Variants in OPTC observed in about 807,000 individuals in gnomAD.
OPTC encodes the protein opticin.
OPTC carries 22 observed loss-of-function variants against 25.4 expected under a neutral mutation model. The ratio of observed to expected loss-of-function variants is 0.87; its 90% CI spans 0.62 to 1.24. The LOEUF (loss-of-function observed/expected upper bound fraction) is 1.24. Ranked by LOEUF, OPTC falls within the 50% of genes most tolerant of loss-of-function variation. The pLI is 0.00. For synonymous variants in OPTC, 169 were observed against 179.3 expected, an observed-to-expected ratio of 0.94 and a Z score of 0.46; for missense variants, 417 against 425.2, an observed-to-expected ratio of 0.98 and a Z score of 0.17.
At chr1:203,502,212 C>T (rs1179145608) in intron 5 of OPTC, among the ~76,000 whole-genome samples, 1 of 152,182 alleles carries the variant, frequency 6.6e-6, no homozygotes, top group African/African-American at 2.4e-5. Flanking sequence ...TCTTCCCAAA[C>T]GCTTCTCTGA....
intron 5 of OPTC, 104 bp from the exon 6 acceptor site, chr1:203,502,810 C>G: frequency 1.1e-6 from 1 of 889,396 alleles, no homozygotes. Flanking sequence ...TAAGTGAGCC[C>G]TGAGTGAACA....
Position 203,502,056 on chromosome 1 carries a change from A to G in OPTC, c.733-858A>G, listed in dbSNP as rs527875381. Reference sequence around the variant, plus strand: ...TTTTCTCATCTGCAAAATGAGGGTAATAATACCTGCTTGACACAGCTGCTG... The same window carrying G: ...TTTTCTCATCTGCAAAATGAGGGTAGTAATACCTGCTTGACACAGCTGCTG... On this transcript the variant is annotated intron_variant, in intron 5 of 7. Transcript: ENST00000367222. 3.3e-5 allele frequency among the ~76,000 whole-genome samples: 5 copies of G among 152,290 alleles called. No individual in the cohort carries two copies. In the South Asian group the frequency reaches 1.0e-3, roughly 32 times the overall value.
At chr1:203,498,626 A>G in intron 3 of OPTC, 55 bp from the exon 4 acceptor site, 2 of 1,608,142 alleles carry the variant, frequency 1.2e-6, no homozygotes, top group Non-Finnish European at 8.5e-7. Context: ...GGCGAGGGCC[A>G]TTGGCCCCAG....
intron 5 of OPTC, among the ~76,000 whole-genome samples, chr1:203,500,536 CCACT>C: frequency 1.3e-5 from 2 of 151,638 alleles, no homozygotes; most frequent in Non-Finnish European, 1.5e-5. Flanking sequence ...TCACCACCAC[CCACT>C]GTTTTCATCC....
intron 1 of OPTC, among the ~76,000 whole-genome samples, chr1:203,494,630 C>A (rs1455562755): frequency 6.6e-6 from 1 of 151,852 alleles, no homozygotes; most frequent in Non-Finnish European, 1.5e-5. Context: ...GGCTGGGCAA[C>A]AGAGTGACAC....
intron 5 of OPTC, among the ~76,000 whole-genome samples, chr1:203,501,260 C>G (rs528873788): frequency 2.8e-4 from 42 of 152,178 alleles, no homozygotes; most frequent in African/African-American, 1.0e-3. Flanking sequence ...ACCACCATGC[C>G]CGGCTAGTTT....
intron 4 of OPTC, among the ~76,000 whole-genome samples, chr1:203,499,347 G>A (rs1477212415): frequency 6.6e-6 from 1 of 152,100 alleles, no homozygotes; most frequent in Non-Finnish European, 1.5e-5. Flanking sequence ...GAGGTGAGGT[G>A]GATCCAGGGA....
intron 3 of OPTC, 67 bp from the exon 4 acceptor site, chr1:203,498,614 G>A: frequency 6.3e-7 from 1 of 1,595,786 alleles, no homozygotes; most frequent in Non-Finnish European, 8.6e-7. Flanking sequence ...GACACTCCCT[G>A]GGGCGAGGGC....
chr1:203,499,509 G>T, intron 4 of OPTC, 140 bp from the exon 5 acceptor site: 1 of 787,768 alleles, frequency 1.3e-6, no homozygotes, highest in Non-Finnish European at 2.3e-6. Context: ...CCTCTGGTTT[G>T]GGCCTAGTGC....
chr1:203,506,429 G>A (rs553761417), intron 7 of OPTC, among the ~76,000 whole-genome samples: 1 of 151,846 alleles, frequency 6.6e-6, no homozygotes, highest in East Asian at 1.9e-4. Context: ...GGAATTACAG[G>A]TGTGAGCCAC....
Position 203,502,991 on chromosome 1 carries a change from G to A in OPTC, c.810G>A (p.Leu270=), listed in dbSNP as rs72743637. The part of the protein sequence containing the change: ...DSIPGPLPLS[L]RSVHLQNNLI... ...TCCCGGGGCCTTTGCCCCTGAGCCT[G>A]CGCTCTGTACACCTGCAGGTAAGGA... is the stretch of plus-strand genomic sequence containing the variant. The change falls in exon 6 of 8, where the codon CTG becomes CTA. Residue 270 remains leucine, a synonymous_variant. Coordinates refer to ENST00000367222, the MANE Select transcript of OPTC (RefSeq NM_014359.4). The A allele has an allele frequency of 0.013, 20,755 of 1,613,720 alleles. 276 individuals are homozygous for A. Among genetic ancestry groups the A allele is most frequent in the South Asian group, 0.042 (3,837 of 91,076 alleles).
intron 5 of OPTC, among the ~76,000 whole-genome samples, chr1:203,501,715 C>T (rs1019976970): frequency 6.6e-6 from 1 of 152,226 alleles, no homozygotes; most frequent in Admixed American, 6.5e-5. Flanking sequence ...TCTCAGCCTT[C>T]TCCTGTCTGC....
chr1:203,503,190 G>C (rs1661419428), intron 6 of OPTC, among the ~76,000 whole-genome samples, 181 bp downstream of exon 6: 2 of 152,182 alleles, frequency 1.3e-5, no homozygotes, highest in South Asian at 4.1e-4. Context: ...CATGACCCCA[G>C]TTTGATTTTC....
intron 4 of OPTC, among the ~76,000 whole-genome samples, 187 bp from the exon 5 acceptor site, chr1:203,499,462 C>T (rs1014455050): frequency 1.3e-5 from 2 of 152,020 alleles, no homozygotes; most frequent in African/African-American, 2.4e-5. Flanking sequence ...CTGAGGCATC[C>T]GAGGGCTTTT....
intron 5 of OPTC, among the ~76,000 whole-genome samples, chr1:203,501,732 C>T (rs181271265): frequency 2.0e-5 from 3 of 152,284 alleles, no homozygotes; most frequent in Non-Finnish European, 4.4e-5. Flanking sequence ...CTGCAGTGGT[C>T]TTTGAGGGAG....
chr1:203,503,035 G>A (rs775252302), intron 6 of OPTC, 26 bp downstream of exon 6: 9 of 1,566,958 alleles, frequency 5.7e-6, no homozygotes, highest in South Asian at 1.1e-5. Flanking sequence ...CAGAGCAAGG[G>A]TGATAAACAG....
intron 5 of OPTC, 86 bp downstream of exon 5, chr1:203,499,937 C>G (rs1661349448): frequency 2.0e-6 from 2 of 1,021,622 alleles, no homozygotes; most frequent in Admixed American, 1.9e-5. Context: ...CTCCACCACT[C>G]ACCTCCACCA....
intron 5 of OPTC, among the ~76,000 whole-genome samples, 182 bp from the exon 6 acceptor site, chr1:203,502,732 T>C (rs184063218): frequency 3.9e-5 from 6 of 152,342 alleles, no homozygotes; most frequent in African/African-American, 1.4e-4. Flanking sequence ...AGTTAGTGTC[T>C]GTAAGATCCT....
In OPTC at chr1:203,503,619, C is replaced by G. The variant is rs1181554588; in HGVS notation, c.898C>G (p.Gln300Glu). Residue 300 changes from glutamine (Q) to glutamate (E), a missense_variant, in exon 7 of 8, where the codon CAG (glutamine) becomes GAG (glutamate). By Grantham distance (29) the Gln-to-Glu change is conservative (BLOSUM62 2). Coordinates refer to ENST00000367222, the MANE Select transcript of OPTC (RefSeq NM_014359.4). ...CGAGGAGCACAAACACACCCGCAGG[C>G]AGCTGGAAGACATCCGCCTGGATGG... ...DPEEHKHTRRQLEDIRLDGNP... is the reference protein window; with the variant it reads ...DPEEHKHTRRELEDIRLDGNP... 6.2e-7 allele frequency: 1 copy of G among 1,613,702 alleles called. No homozygotes were observed.
Sources: gnomAD v4.1 joint callset for allele counts (sites outside exome capture counted in the v4.1 genomes callset) on GRCh38, gnomAD v4.1.1 for gene constraint, MANE v1.5 for transcripts, NCBI Gene and HGNC (gene_info 2026-07-23, HGNC 2026-07-21) for gene names.